The following DIAPH2 variants were observed in gnomAD, a reference collection of about 807,000 sequenced individuals.
The protein encoded by DIAPH2 is diaphanous related formin 2, also known as protein diaphanous homolog 2.
Under a neutral mutation model 92.7 loss-of-function variants are expected in DIAPH2, and 35 were observed. The ratio of observed to expected loss-of-function variants is 0.38; its 90% confidence interval spans 0.29 to 0.50. DIAPH2 has a LOEUF of 0.50. DIAPH2 is among the 20% of genes least tolerant of loss of function. The pLI, the probability that DIAPH2 is intolerant of heterozygous loss-of-function variation, is 0.94. For synonymous variants in DIAPH2, 301 were observed against 280.4 expected (o/e 1.07, Z -0.73); for missense variants, 701 against 819.5 (o/e 0.86, Z 1.77).
chrX:97,588,994 G>T (rs868054443), intron 26 of DIAPH2, among the ~76,000 whole-genome samples: 2 of 5,823 alleles, frequency 3.4e-4, no homozygotes, highest in Non-Finnish European at 1.6e-3. Flanking sequence ...AGATATTATA[G>T]AAATATATAT....
chrX:97,121,776 C>T (rs1252811320), intron 21 of DIAPH2, among the ~76,000 whole-genome samples: 2 of 111,568 alleles, frequency 1.8e-5, no homozygotes, highest in Admixed American at 9.5e-5. Flanking sequence ...TAATTTAAAA[C>T]CAAAGATATT....
intron 23 of DIAPH2, among the ~76,000 whole-genome samples, chrX:97,301,150 C>CAAAAAAAA (rs1220185711): frequency 3.1e-5 from 1 of 32,280 alleles, no homozygotes; most frequent in African/African-American, 1.1e-4. Flanking sequence ...GACTCCGTCT[C>CAAAAAAAA]AAAAAAAAAA....
intron 10 of DIAPH2, among the ~76,000 whole-genome samples, chrX:96,932,699 A>G (rs571753243): frequency 9.0e-6 from 1 of 111,483 alleles, no homozygotes; most frequent in Non-Finnish European, 1.9e-5. Flanking sequence ...TTATATTTTG[A>G]TACAAGAACA....
intron 1 of DIAPH2, among the ~76,000 whole-genome samples, chrX:96,705,765 A>C (rs1260282200): frequency 8.9e-6 from 1 of 112,203 alleles, no homozygotes; most frequent in Non-Finnish European, 1.9e-5. Flanking sequence ...CTCACAGATT[A>C]AAGTAGCATT....
At chrX:97,565,151 C>T (rs2071317795) in intron 26 of DIAPH2, among the ~76,000 whole-genome samples, 1 of 111,469 alleles carries the variant, frequency 9.0e-6, no homozygotes, top group African/African-American at 3.3e-5. Flanking sequence ...CTTGTGGATG[C>T]CATCTGGTAT....
At chrX:97,420,712 T>A (rs1329822859) in intron 25 of DIAPH2, among the ~76,000 whole-genome samples, 1 of 112,108 alleles carries the variant, frequency 8.9e-6, no homozygotes, top group Admixed American at 9.4e-5. Context: ...TTTTCTGTTT[T>A]GTTTTACAAA....
At position 97,445,908 on chromosome X, in the gene DIAPH2, G is replaced by C. The variant is rs188556378; in HGVS notation, c.3241+16163G>C. Among the ~76,000 whole-genome samples, 31 of 109,346 alleles carry C rather than the reference G, an allele frequency of 2.8e-4. 1 individual carries two copies. Among genetic ancestry groups the C allele is most frequent in the African/African-American group, 9.0e-4 (27 of 30,080 alleles). The allele number at this position is 109,346 out of a possible 115,157, so 95.0% of individuals were successfully genotyped here. A position where few individuals can be genotyped will look rare whatever the true frequency, so the allele number is the denominator to read the frequency against. ...AGTCTCAGCATTCTGTCTGGTTTAT[G>C]GGGGGGAAAAAAAACCAAGAGCGAC... On this transcript the variant is annotated intron_variant, in intron 26 of 26. Transcript: ENST00000324765.
intron 26 of DIAPH2, among the ~76,000 whole-genome samples, chrX:97,461,228 G>GT (rs1427192996): frequency 1.2e-5 from 1 of 84,965 alleles, no homozygotes; most frequent in Non-Finnish European, 2.4e-5. Context: ...TCTAAGACTA[G>GT]TTTGTCTTTT....
intron 26 of DIAPH2, among the ~76,000 whole-genome samples, chrX:97,499,000 T>C (rs929606944): frequency 9.0e-6 from 1 of 111,302 alleles, no homozygotes; most frequent in East Asian, 2.8e-4. Flanking sequence ...AGAGACTAGA[T>C]AGCCAGCTAT....
intron 4 of DIAPH2, among the ~76,000 whole-genome samples, chrX:96,838,295 T>C (rs2064912396): frequency 8.9e-6 from 1 of 111,815 alleles, no homozygotes; most frequent in Admixed American, 9.5e-5. Flanking sequence ...TATTCAGCAA[T>C]GTTTTCAGCA....
At chrX:97,597,609 G>T (rs1055976795) in intron 26 of DIAPH2, among the ~76,000 whole-genome samples, 2 of 111,942 alleles carry the variant, frequency 1.8e-5, no homozygotes, top group African/African-American at 6.5e-5. Flanking sequence ...ACGTCTGGTA[G>T]CTTTAACACT....
chrX:97,358,402 G>A (rs1301434141), intron 24 of DIAPH2, among the ~76,000 whole-genome samples: 5 of 111,163 alleles, frequency 4.5e-5, no homozygotes, highest in African/African-American at 1.6e-4. Context: ...ACAATGGACA[G>A]GAGAGCCTCC....
At chrX:97,021,477 C>A (rs941380311) in intron 17 of DIAPH2, among the ~76,000 whole-genome samples, 3 of 111,957 alleles carry the variant, frequency 2.7e-5, no homozygotes, top group Non-Finnish European at 5.6e-5. Context: ...AGATTATAGG[C>A]GTGAGCCACC....
intron 4 of DIAPH2, chrX:96,793,732 T>C: frequency 3.2e-6 from 1 of 316,368 alleles, no homozygotes; most frequent in South Asian, 3.0e-5. Flanking sequence ...TTCCCAAAGA[T>C]CCCACCTCCT....
chrX:97,195,030 C>G (rs927911914), intron 22 of DIAPH2, among the ~76,000 whole-genome samples: 1 of 111,643 alleles, frequency 9.0e-6, no homozygotes, highest in Non-Finnish European at 1.9e-5. Flanking sequence ...TAAAGGACAA[C>G]AAAACCTAGG....
chrX:96,876,296 T>G (rs759900610), intron 4 of DIAPH2, among the ~76,000 whole-genome samples: 2 of 111,684 alleles, frequency 1.8e-5, no homozygotes, highest in Admixed American at 1.9e-4. Context: ...ATAGGAACAC[T>G]TTGACACTGT....
chrX:96,716,315 A>G (rs1334853519), intron 1 of DIAPH2, among the ~76,000 whole-genome samples: 2 of 111,676 alleles, frequency 1.8e-5, no homozygotes, highest in Non-Finnish European at 3.8e-5. Context: ...AGAGCCTGCA[A>G]TAGTAATCAG....
intron 4 of DIAPH2, among the ~76,000 whole-genome samples, chrX:96,827,537 C>G (rs1213753774): frequency 8.9e-6 from 1 of 111,913 alleles, no homozygotes. Flanking sequence ...GATAGCAAAA[C>G]CAATTGTGTT....
intron 4 of DIAPH2, among the ~76,000 whole-genome samples, chrX:96,811,948 C>A (rs910677615): frequency 4.5e-5 from 5 of 111,467 alleles, no homozygotes; most frequent in African/African-American, 1.6e-4. Flanking sequence ...ATTTTTGCAT[C>A]GATGTTCATC....
Sources: allele counts gnomAD v4.1 joint callset (sites outside exome capture counted in the v4.1 genomes callset), GRCh38; gene constraint gnomAD v4.1.1; transcripts MANE v1.5; gene names NCBI Gene and HGNC (gene_info 2026-07-23, HGNC 2026-07-21).